Variants in CHD8 observed in about 807,000 individuals in gnomAD.
The protein encoded by CHD8 is ATP-dependent chromatin remodeler CHD8.
CHD8 carries 31 observed loss-of-function variants against 279.2 expected under a neutral mutation model. The observed-to-expected ratio is 0.11, with a 90% confidence interval of 0.08 to 0.15. CHD8 has a LOEUF of 0.15. Ranked by LOEUF, CHD8 falls within the 10% of genes least tolerant of loss-of-function variation. CHD8 has a pLI of 1.00. For synonymous variants in CHD8, 1,081 were observed against 1,139.6 expected (o/e 0.95, Z 1.04); for missense variants, 2,146 against 3,230.5 (o/e 0.66, Z 8.14).
chr14:21,385,745 C>T lies in CHD8; in HGVS notation c.7614G>A (p.Glu2538=). ...CATCTTCTTCATCCTCATCGTCATC[C>T]TCCTCAGGTTGCAGTGGTGGCAACC... ...TLRLPPLQPE[E]DDDEDEEDDD... The change falls in exon 38 of 38, where the codon GAG becomes GAA. Residue 2538 remains glutamate (E), a synonymous_variant. Transcript: ENST00000646647. The T allele has an allele frequency of 6.4e-7, 1 of 1,551,370 alleles. No individual in the cohort carries two copies. Among genetic ancestry groups the T allele is most frequent in the Non-Finnish European group, 8.7e-7 (1 of 1,146,918 alleles).
At chr14:21,395,962 A>C in intron 27 of CHD8, 70 bp from the exon 28 acceptor site, 1 of 960,892 alleles carries the variant, frequency 1.0e-6, no homozygotes, top group Non-Finnish European at 1.7e-6. Context: ...CCTAGGATGA[A>C]GACCTAGCCA....
rs1234957670 is a variant in CHD8, at chr14:21,405,753, T to C, written c.3019A>G (p.Lys1007Glu). The change falls in exon 15 of 38, where the codon AAG becomes GAG. Residue 1007 changes from lysine (K) to glutamate (E), a missense_variant. Lys to Glu is a moderately conservative substitution (Grantham distance 56). Transcript: ENST00000646647. This position sits in a 1 kb window ranked among gnomAD's most constrained non-coding sequence, Gnocchi z 4.2. Reference protein sequence around the residue: ...SQFPSESEFLKDFGDLKTEEQ... With the variant: ...SQFPSESEFLEDFGDLKTEEQ... ...TCTGTCTTGAGATCCCCAAAGTCCT[T>C]GAGAAACTCTGATTCTGAGGGAAAT... The C allele has an allele frequency of 6.2e-7, 1 of 1,613,868 alleles. No homozygotes were observed. Among genetic ancestry groups the C allele is most frequent in the Non-Finnish European group, 8.5e-7 (1 of 1,179,806 alleles).
rs1889533562 is a variant in CHD8 at position 21,430,785 on chromosome 14, C to T, written c.843+16G>A. The T allele has an allele frequency of 1.3e-6, 2 of 1,554,388 alleles. No individual in the cohort carries two copies. The highest frequency in any genetic ancestry group is 1.4e-5 in the African/African-American group (1 of 73,350). On this transcript the variant is annotated intron_variant, in intron 2 of 37. Coordinates refer to ENST00000646647, the MANE Select transcript of CHD8 (RefSeq NM_001170629.2). ...CTATGAAACCAAAATTCACCTCCCC[C>T]TTTCACTCAAGTCACCTGGGTAGGT...
At chr14:21,432,861 T>C (rs1331576447) in intron 1 of CHD8, among the ~76,000 whole-genome samples, 1 of 152,242 alleles carries the variant, frequency 6.6e-6, no homozygotes, top group Non-Finnish European at 1.5e-5. Flanking sequence ...TATTTTATTA[T>C]AATGACCTAA....
At chr14:21,445,729 C>T (rs912906544) in intron 1 of CHD8, among the ~76,000 whole-genome samples, 4 of 139,650 alleles carry the variant, frequency 2.9e-5, no homozygotes, top group South Asian at 4.6e-4. Context: ...CAGCTGGGCA[C>T]GGTGGCTAAC....
chr14:21,435,143 G>C (rs897771988), intron 1 of CHD8, among the ~76,000 whole-genome samples: 5 of 152,206 alleles, frequency 3.3e-5, no homozygotes, highest in South Asian at 2.1e-4. Flanking sequence ...CTTAGTGGTT[G>C]TACTTAGTCA....
chr14:21,437,706 T>C (rs372840547), intron 1 of CHD8, among the ~76,000 whole-genome samples: 4 of 152,166 alleles, frequency 2.6e-5, no homozygotes, highest in African/African-American at 9.7e-5. Context: ...CCAAATCTTC[T>C]TCCCTCCATC....
chr14:21,389,368 C>A (rs527453686), intron 37 of CHD8, among the ~76,000 whole-genome samples: 1 of 151,408 alleles, frequency 6.6e-6, no homozygotes, highest in Non-Finnish European at 1.5e-5. Flanking sequence ...CCCAGTACTT[C>A]GGGAGGCTTA....
rs1384175787 is a variant in CHD8, at chr14:21,431,424, C to A, written c.220G>T (p.Ala74Ser). Residue 74 changes from alanine to serine, a missense_variant, in exon 2 of 38, where the codon GCT becomes TCT. This residue lies in a region of CHD8 where 302 missense variants were observed against 325.5 expected (regional missense o/e 0.93). Transcript: ENST00000646647. ...SELVPPPEETAPTELSKESTA... is the reference protein window; with the variant it reads ...SELVPPPEETSPTELSKESTA... ...GATTCTTTGGAAAGTTCTGTGGGAG[C>A]TGTTTCCTCTGGTGGAGGGACCAGT... is the stretch of plus-strand genomic sequence containing the variant. The A allele has an allele frequency of 6.5e-7, 1 of 1,537,232 alleles. No homozygotes were observed. The highest frequency in any genetic ancestry group is 2.0e-5 in the Admixed American group (1 of 51,004).
chr14:21,414,029 C>A, intron 9 of CHD8: 1 of 310,388 alleles, frequency 3.2e-6, no homozygotes, highest in Non-Finnish European at 6.0e-6. Flanking sequence ...TCAAGTGGAC[C>A]AGCAGTCAGT....
Position 21,430,846 on chromosome 14 carries a change from C to A in CHD8, c.798G>T (p.Gly266=). 6.3e-7 allele frequency: 1 copy of A among 1,599,320 alleles called. No individual in the cohort carries two copies. Among genetic ancestry groups the A allele is most frequent in the Non-Finnish European group, 8.5e-7 (1 of 1,179,696 alleles). Reference sequence around the variant, plus strand: ...GTGTAACTGCAGGCTTCAGTGGGGGCCCTGTGGCCCCAGGGTTTCCAGCAG... The same window carrying A: ...GTGTAACTGCAGGCTTCAGTGGGGGACCTGTGGCCCCAGGGTTTCCAGCAG... ...SAPAGNPGAT[G]PPLKPAVTLT... The change falls in exon 2 of 38, where the codon GGG becomes GGT. Residue 266 remains glycine, a synonymous_variant. Coordinates refer to ENST00000646647, the MANE Select transcript of CHD8 (RefSeq NM_001170629.2).
Position 21,408,722 on chromosome 14 carries a change from A to G in CHD8, c.2468T>C (p.Leu823Pro). The G allele has an allele frequency of 6.2e-7, 1 of 1,611,422 alleles. No individual in the cohort carries two copies. The highest frequency in any genetic ancestry group is 8.5e-7 in the Non-Finnish European group (1 of 1,178,596). The change falls in exon 12 of 38, where the codon CTC becomes CCC. Residue 823 changes from leucine (L) to proline (P), a missense_variant. Leu to Pro is a moderately conservative substitution (Grantham distance 98). This residue lies in a region of CHD8 where 211 missense variants were observed against 464.7 expected (regional missense o/e 0.45). Coordinates refer to ENST00000646647, the MANE Select transcript of CHD8 (RefSeq NM_001170629.2). The surrounding 1 kb of genome is among the most constrained non-coding windows in gnomAD (Gnocchi z 4.3). ...CCTTTACCTGTTATACCAATTAAAG[A>G]GCAGCCAATTAACCCCTTCCAACTG... ...EYQLEGVNWL[L>P]FNWYNRQNCI... is the part of the protein sequence containing the mutation.
chr14:21,394,605 C>CAAAAAAAAAAAAAAAAAAAAA lies in CHD8; in HGVS notation c.5391-121_5391-120insTTTTTTTTTTTTTTTTTTTTT, dbSNP rs3068337. On this transcript the variant is annotated intron_variant, in intron 30 of 37. Transcript: ENST00000646647. Reference sequence around the variant, plus strand: ...AAAACACAAAAATTGAAAGTAGACGCAAAAAAAAAAAAAAAAAAAGGCCCA... The same window carrying CAAAAAAAAAAAAAAAAAAAAA: ...AAAACACAAAAATTGAAAGTAGACGCAAAAAAAAAAAAAAAAAAAAAAAAAAAAAAAAAAAAAAAAGGCCCA... 2.9e-5 allele frequency: 3 copies of CAAAAAAAAAAAAAAAAAAAAA among 103,740 alleles called. 1 individual carries two copies. Among genetic ancestry groups the CAAAAAAAAAAAAAAAAAAAAA allele is most frequent in the Admixed American group, 1.3e-4 (1 of 7,422 alleles). 6.4% of individuals were successfully genotyped at this position (103,740 alleles called of 1,614,324 possible).
chr14:21,394,059 C>T lies in CHD8; in HGVS notation c.5736G>A (p.Leu1912=), dbSNP rs1261821294. 6.2e-7 allele frequency: 1 copy of T among 1,613,950 alleles called. No individual in the cohort carries two copies. The highest frequency in any genetic ancestry group is 1.1e-5 in the South Asian group (1 of 91,080). The part of the protein sequence containing the change: ...CHPLLEDRLA[L]CQPPGPELPK... Reference sequence around the variant, plus strand: ...GCAATTCAGGACCAGGAGGCTGACACAATGCCAGCCGATCTTCCAAAAGGG... The same window carrying T: ...GCAATTCAGGACCAGGAGGCTGACATAATGCCAGCCGATCTTCCAAAAGGG... Residue 1912 remains leucine, a synonymous_variant, in exon 32 of 38, where the codon TTG becomes TTA. Transcript: ENST00000646647.
intron 5 of CHD8, among the ~76,000 whole-genome samples, chr14:21,423,402 C>T (rs1753998367): frequency 6.6e-6 from 1 of 152,128 alleles, no homozygotes; most frequent in Non-Finnish European, 1.5e-5. Context: ...TTATAACAAA[C>T]CTACTCTCTC....
intron 37 of CHD8, among the ~76,000 whole-genome samples, chr14:21,388,184 G>T (rs574719348): frequency 1.3e-5 from 2 of 152,242 alleles, no homozygotes; most frequent in South Asian, 4.1e-4. Context: ...GCAAAATATT[G>T]ATAGTTTACT....
rs760419936 is a variant in CHD8, at chr14:21,426,133, T to C, written c.1711A>G (p.Ile571Val). 6 of 1,588,018 alleles carry C rather than the reference T, an allele frequency of 3.8e-6. No homozygotes were observed. In the African/African-American group the frequency reaches 5.4e-5, roughly 14 times the overall value. ...TTCTTTTGGGATCCTTTTACCTGAATGCTGCTTTCTTCATCTTCTCGAGGT... is the reference window on the plus strand; with the variant it reads ...TTCTTTTGGGATCCTTTTACCTGAACGCTGCTTTCTTCATCTTCTCGAGGT... ...QSPREDEESS[I>V]QKRRSNRQVK... Residue 571 changes from isoleucine (I) to valine (V), a missense_variant, in exon 5 of 38, where the codon ATT (isoleucine) becomes GTT (valine). Ile to Val is a conservative substitution (Grantham distance 29). Around this residue, in one of 26 missense-constraint regions of CHD8, gnomAD observed 123 missense variants for 169.2 expected, o/e 0.73. Transcript: ENST00000646647.
rs777852959 is a variant in CHD8, at chr14:21,431,829, C to T, written c.-186G>A. ...TCCTGACCTTCATGGAGCAAGATGG[C>T]TACGTCTTCAGAGGAAGATGGTGGA... On this transcript the variant is annotated 5_prime_UTR_variant, in exon 2 of 38. Coordinates refer to ENST00000646647, the MANE Select transcript of CHD8 (RefSeq NM_001170629.2). The T allele has an allele frequency of 6.2e-7, 1 of 1,613,168 alleles. No individual in the cohort carries two copies. Among genetic ancestry groups the T allele is most frequent in the Admixed American group, 1.7e-5 (1 of 60,016 alleles).
chr14:21,420,176 G>A (rs1242411311), intron 5 of CHD8, among the ~76,000 whole-genome samples: 4 of 152,230 alleles, frequency 2.6e-5, no homozygotes, highest in Non-Finnish European at 5.9e-5. Flanking sequence ...CTCTGCTGAT[G>A]TGGTAGCTGC....
Sources: allele counts gnomAD v4.1 joint callset (sites outside exome capture counted in the v4.1 genomes callset), GRCh38; gene constraint gnomAD v4.1.1; regional missense constraint gnomAD v4.1.1; non-coding constraint Gnocchi (gnomAD v3.1); transcripts MANE v1.5; gene names NCBI Gene and HGNC (gene_info 2026-07-23, HGNC 2026-07-21).